The following AACS variants were observed in gnomAD, a reference collection of about 807,000 sequenced individuals.
The protein encoded by AACS is acetoacetate-CoA ligase.
Under a neutral mutation model 83.1 loss-of-function variants are expected in AACS, and 69 were observed. The ratio of observed to expected loss-of-function variants is 0.83; its 90% confidence interval spans 0.68 to 1.01. AACS has a LOEUF of 1.01. Among genes scored for constraint, AACS ranks in the 50% least tolerant of loss-of-function variants. The pLI is 0.00. For synonymous variants in AACS, 333 were observed against 343.4 expected (o/e 0.97, Z 0.33); for missense variants, 866 against 882.2 (o/e 0.98, Z 0.23).
At chr12:125,081,943 T>C (rs889373440) in intron 3 of AACS, among the ~76,000 whole-genome samples, 6 of 151,884 alleles carry the variant, frequency 4.0e-5, no homozygotes, top group African/African-American at 1.2e-4. Context: ...TGGCGTCATC[T>C]TGGCTCACTG....
Position 125,065,673 on chromosome 12 carries a change from A to G in AACS, c.89A>G (p.Asp30Gly). The G allele has an allele frequency of 6.5e-7, 1 of 1,545,658 alleles. No individual in the cohort carries two copies. The highest frequency in any genetic ancestry group is 2.5e-5 in the East Asian group (1 of 40,234). ...GACAGTAAGAAGAACACGCAGATGGACCGCTTCCGGGCGGCTGTGGGCGCC... is the reference window on the plus strand; with the variant it reads ...GACAGTAAGAAGAACACGCAGATGGGCCGCTTCCGGGCGGCTGTGGGCGCC... ...EPDSKKNTQM[D>G]RFRAAVGAAC... The change falls in exon 1 of 18, where the codon GAC becomes GGC. Residue 30 changes from aspartate (D) to glycine (G), a missense_variant. Asp to Gly is a moderately conservative substitution (Grantham distance 94, BLOSUM62 -1). Coordinates refer to ENST00000316519, the MANE Select transcript of AACS (RefSeq NM_023928.5).
chr12:125,129,110 C>A lies in AACS; in HGVS notation c.1424-225C>A, dbSNP rs554329144. On this transcript the variant is annotated intron_variant, in intron 13 of 17. Coordinates refer to ENST00000316519, the MANE Select transcript of AACS (RefSeq NM_023928.5). The surrounding 1 kb of genome is among the most constrained non-coding windows in gnomAD (Gnocchi z 4.3). ...TAACACACATGGGAATAACAAATCA[C>A]TACGTCCGAGACAGCGATTTTGGGG... 2 of 454,024 alleles carry A rather than the reference C, an allele frequency of 4.4e-6. No homozygotes were observed. Among genetic ancestry groups the A allele is most frequent in the Non-Finnish European group, 7.6e-6 (2 of 262,878 alleles). The allele number at this position is 454,024 out of a possible 1,614,324, so 28.1% of individuals were successfully genotyped here.
In AACS at chr12:125,128,141, C is replaced by T. The variant is rs1957274347; in HGVS notation, c.1310-20C>T. 6.3e-7 allele frequency: 1 copy of T among 1,592,890 alleles called. No homozygotes were observed. The highest frequency in any genetic ancestry group is 8.6e-7 in the Non-Finnish European group (1 of 1,164,568). Reference sequence around the variant, plus strand: ...TCTTGGGCTTCTAAATTTTGAGTCTCCCTTTGCCATTGCTTGCAGGAGGCA... The same window carrying T: ...TCTTGGGCTTCTAAATTTTGAGTCTTCCTTTGCCATTGCTTGCAGGAGGCA... On this transcript the variant is annotated intron_variant, in intron 12 of 17. Transcript: ENST00000316519.
chr12:125,114,906 G>C (rs910116430), intron 9 of AACS, among the ~76,000 whole-genome samples: 12 of 151,744 alleles, frequency 7.9e-5, no homozygotes, highest in Admixed American at 5.2e-4. Flanking sequence ...TTCCCCGGGC[G>C]CTGGCCCGTG....
intron 17 of AACS, among the ~76,000 whole-genome samples, chr12:125,137,999 A>C (rs1293059264): frequency 4.6e-5 from 7 of 152,182 alleles, no homozygotes; most frequent in Admixed American, 4.6e-4. Context: ...AAACCCGTAG[A>C]TCATTCTCTT....
intron 7 of AACS, among the ~76,000 whole-genome samples, chr12:125,106,694 G>A (rs117244611): frequency 0.011 from 1,709 of 152,236 alleles, 12 homozygotes; most frequent in Middle Eastern, 0.027. Context: ...GAAACAAAGC[G>A]TTTGCTAATC....
chr12:125,138,154 C>T (rs987876093), intron 17 of AACS: 1 of 151,720 alleles, frequency 6.6e-6, no homozygotes, highest in African/African-American at 2.5e-5. Context: ...CCTCCTCCTC[C>T]CGGCGCCTGT....
chr12:125,093,902 A>G (rs1370311274), intron 5 of AACS, among the ~76,000 whole-genome samples: 1 of 152,108 alleles, frequency 6.6e-6, no homozygotes. Flanking sequence ...CGTGGCAGGC[A>G]TTATTGGGCA....
chr12:125,084,314 T>C (rs1956275593), intron 3 of AACS, among the ~76,000 whole-genome samples: 1 of 145,502 alleles, frequency 6.9e-6, no homozygotes, highest in African/African-American at 2.5e-5. Context: ...CAAGACTCCA[T>C]CTCAAAAAAA....
At chr12:125,103,889 G>A (rs1377497240) in intron 7 of AACS, among the ~76,000 whole-genome samples, 1 of 148,754 alleles carries the variant, frequency 6.7e-6, no homozygotes, top group African/African-American at 2.5e-5. Context: ...TCGGGAGGCT[G>A]AGGCAGGAGA....
intron 16 of AACS, 120 bp downstream of exon 16, chr12:125,134,972 G>A: frequency 8.6e-7 from 1 of 1,166,538 alleles, no homozygotes; most frequent in Non-Finnish European, 1.2e-6. Context: ...GTGTGACAGT[G>A]GACATTTGTG....
At chr12:125,072,940 T>C (rs1052712259) in intron 1 of AACS, among the ~76,000 whole-genome samples, 1 of 146,636 alleles carries the variant, frequency 6.8e-6, no homozygotes, top group African/African-American at 2.5e-5. Context: ...TTTTTTTTTT[T>C]TTTTTGAGAT....
In AACS at chr12:125,113,795, C is replaced by T. The variant is rs565812856; in HGVS notation, c.916-682C>T. Among the ~76,000 whole-genome samples, 53 of 152,286 alleles carry T rather than the reference C, an allele frequency of 3.5e-4. No individual in the cohort carries two copies. Among genetic ancestry groups the T allele is most frequent in the African/African-American group, 1.1e-3 (46 of 41,568 alleles). ...CCTCTTGGGAGAACTGGGTACAGGA[C>T]AGGGAGAGAGGACGGCTTTTCATAG... On this transcript the variant is annotated intron_variant, in intron 8 of 17. Coordinates refer to ENST00000316519, the MANE Select transcript of AACS (RefSeq NM_023928.5). This position sits in a 1 kb window ranked among gnomAD's most constrained non-coding sequence, Gnocchi z 4.8.
At position 125,142,087 on chromosome 12, in the gene AACS, C is replaced by T. The variant is rs548085626; in HGVS notation, c.1882-5C>T. On this transcript the variant is annotated splice_polypyrimidine_tract_variant and splice_region_variant and intron_variant, in intron 17 of 17. Transcript: ENST00000316519. Reference sequence around the variant, plus strand: ...TGTTCCTGTTTTTCTACCTTTCCCTCGCAGTATACGCTCAACGGCAAGAAA... The same window carrying T: ...TGTTCCTGTTTTTCTACCTTTCCCTTGCAGTATACGCTCAACGGCAAGAAA... 1.2e-5 allele frequency: 20 copies of T among 1,613,872 alleles called. No individual in the cohort carries two copies. In the South Asian group the frequency reaches 1.3e-4, roughly 11 times the overall value.
chr12:125,077,282 G>A (rs960786353), intron 3 of AACS, among the ~76,000 whole-genome samples: 3 of 151,812 alleles, frequency 2.0e-5, no homozygotes, highest in African/African-American at 7.3e-5. Context: ...AGGCCAAGGT[G>A]GGCGGATCAC....
intron 15 of AACS, 83 bp downstream of exon 15, chr12:125,134,155 A>G: frequency 2.1e-6 from 3 of 1,452,662 alleles, no homozygotes; most frequent in Non-Finnish European, 2.8e-6. Flanking sequence ...GCTTTCTATA[A>G]AAGTCAGTGA....
chr12:125,080,437 G>T (rs963287507), intron 3 of AACS, among the ~76,000 whole-genome samples: 1 of 151,638 alleles, frequency 6.6e-6, no homozygotes, highest in African/African-American at 2.4e-5. Flanking sequence ...CTTGTAATAC[G>T]GGTGTCTGGG....
intron 4 of AACS, among the ~76,000 whole-genome samples, chr12:125,090,142 A>AGT: frequency 8.3e-6 from 1 of 121,150 alleles, no homozygotes; most frequent in Non-Finnish European, 1.8e-5. Flanking sequence ...ATCCATCACC[A>AGT]TCATCCATCC....
intron 1 of AACS, among the ~76,000 whole-genome samples, chr12:125,073,604 G>A (rs1467347859): frequency 6.6e-6 from 1 of 152,162 alleles, no homozygotes; most frequent in Non-Finnish European, 1.5e-5. Flanking sequence ...GGGCATTTGG[G>A]CTCTAGAGTC....
Sources: allele counts gnomAD v4.1 joint callset (sites outside exome capture counted in the v4.1 genomes callset), GRCh38; gene constraint gnomAD v4.1.1; non-coding constraint Gnocchi (gnomAD v3.1); transcripts MANE v1.5; gene names NCBI Gene and HGNC (gene_info 2026-07-23, HGNC 2026-07-21).